MED25: variants seen among roughly 807,000 people sequenced by gnomAD.
MED25 encodes the protein mediator complex subunit 25, also known as mediator of RNA polymerase II transcription subunit 25.
A neutral mutation model predicts 89.4 loss-of-function variants in MED25; 62 were observed. That is an observed-to-expected ratio of 0.69 (90% CI 0.57 to 0.86). MED25 has a LOEUF of 0.86. Ranked by LOEUF, MED25 falls within the 40% of genes least tolerant of loss-of-function variation. The pLI, the probability that MED25 is intolerant of heterozygous loss-of-function variation, is 0.00. For synonymous variants in MED25, 449 were observed against 427.9 expected (o/e 1.05, Z -0.61); for missense variants, 905 against 1,005.2 (o/e 0.90, Z 1.35).
At position 49,819,287 on chromosome 19, in the gene MED25, A is replaced by C; in HGVS notation, c.296A>C (p.Asp99Ala). Reference protein sequence around the residue: ...SSAYEFVTWLDGIKFMGGGGE... With the variant: ...SSAYEFVTWLAGIKFMGGGGE... ...GCCTATGAGTTTGTCACCTGGCTCG[A>C]TGGCATTAAGTGAGCTTTCCCCCAC... Residue 99 changes from aspartate to alanine, a missense_variant, in exon 3 of 18, where the codon GAT becomes GCT. Physicochemically the swap from Asp to Ala is moderately radical, Grantham distance 126. Coordinates refer to ENST00000312865, the MANE Select transcript of MED25 (RefSeq NM_030973.4). 6.3e-7 allele frequency: 1 copy of C among 1,590,730 alleles called. No homozygotes were observed. Among genetic ancestry groups the C allele is most frequent in the Non-Finnish European group, 8.5e-7 (1 of 1,170,326 alleles).
chr19:49,835,276 C>A lies in MED25; in HGVS notation c.1674+99C>A. ...CCAGGACCAAGATGCCCACCCTTCT[C>A]CCAATATGTGGTGCCTCCAAGCTAA... is the stretch of plus-strand genomic sequence containing the variant. On this transcript the variant is annotated intron_variant, in intron 14 of 17. Transcript: ENST00000312865. This position sits in a 1 kb window ranked among gnomAD's most constrained non-coding sequence, Gnocchi z 6.2. 1 of 1,319,648 alleles carries A rather than the reference C, an allele frequency of 7.6e-7. No individual in the cohort carries two copies. Among genetic ancestry groups the A allele is most frequent in the Non-Finnish European group, 1.1e-6 (1 of 914,336 alleles). The allele number at this position is 1,319,648 out of a possible 1,614,324, so 81.7% of individuals were successfully genotyped here.
chr19:49,830,440 C>A lies in MED25; in HGVS notation c.820-71C>A, dbSNP rs1600325114. ...CCTCATGGGGCCATGGGTGGTGTGA[C>A]CTCGTGGGATACCAGGACTGGGGGG... On this transcript the variant is annotated intron_variant, in intron 7 of 17. Transcript: ENST00000312865. The surrounding 1 kb of genome is among the most constrained non-coding windows in gnomAD (Gnocchi z 4.6). 24 of 1,503,058 alleles carry A rather than the reference C, an allele frequency of 1.6e-5. No homozygotes were observed. The highest frequency in any genetic ancestry group is 2.2e-5 in the Non-Finnish European group (24 of 1,083,358). The allele number at this position is 1,503,058 out of a possible 1,614,324, so 93.1% of individuals were successfully genotyped here. A position where few individuals can be genotyped will look rare whatever the true frequency, so the allele number is the denominator to read the frequency against.
chr19:49,837,118 A>G, downstream of MED25: 1 of 675,588 alleles, frequency 1.5e-6, no homozygotes, highest in Non-Finnish European at 2.7e-6. Flanking sequence ...GGTGAGTCAC[A>G]GGCAGTCTGG....
At chr19:49,837,387 A>C (rs1238554454), downstream of MED25, among the ~76,000 whole-genome samples, 5 of 152,236 alleles carry the variant, frequency 3.3e-5, no homozygotes, top group Non-Finnish European at 2.9e-5. Flanking sequence ...AAGTTGATGG[A>C]TGCTTTTGGA....
In MED25 at chr19:49,836,330, G is replaced by A. The variant is rs1240240229; in HGVS notation, c.2070G>A (p.Gln690=). 2 of 1,610,412 alleles carry A rather than the reference G, an allele frequency of 1.2e-6. No homozygotes were observed. Among genetic ancestry groups the A allele is most frequent in the South Asian group, 1.1e-5 (1 of 90,654 alleles). The change falls in exon 17 of 18, where the codon CAG becomes CAA. Residue 690 remains glutamine (Q), a synonymous_variant. Coordinates refer to ENST00000312865, the MANE Select transcript of MED25 (RefSeq NM_030973.4). This position sits in a 1 kb window ranked among gnomAD's most constrained non-coding sequence, Gnocchi z 5.1. ...PPPHQGLGQP[Q]LGPPLLHPPP... ...CGCACCAGGGCCTGGGGCAGCCCCA[G>A]TTGGGGCCCCCACTCCTGCATCCAC...
In MED25 at chr19:49,834,581, G is replaced by A; in HGVS notation, c.1483-405G>A. 3.3e-6 allele frequency: 1 copy of A among 306,764 alleles called. No homozygotes were observed. The highest frequency in any genetic ancestry group is 2.1e-5 in the African/African-American group (1 of 46,566). 19.0% of individuals were successfully genotyped at this position (306,764 alleles called of 1,614,324 possible). A position where few individuals can be genotyped will look rare whatever the true frequency, so the allele number is the denominator to read the frequency against. ...GCTGGAGGATCTCTTGGATACCCGG[G>A]GTCCGACCCACCGTTGATCACAGGC... On this transcript the variant is annotated intron_variant, in intron 13 of 17. Transcript: ENST00000312865. This position sits in a 1 kb window ranked among gnomAD's most constrained non-coding sequence, Gnocchi z 4.1.
At chr19:49,828,782 T>C (rs2074032639) in intron 4 of MED25, among the ~76,000 whole-genome samples, 188 bp from the exon 5 acceptor site, 1 of 152,226 alleles carries the variant, frequency 6.6e-6, no homozygotes, top group Non-Finnish European at 1.5e-5. Flanking sequence ...CTGCCTGCCC[T>C]GCCTGCTGGG....
At position 49,836,524 on chromosome 19, in the gene MED25, T is replaced by G; in HGVS notation, c.2146+118T>G. 3.2e-6 allele frequency: 4 copies of G among 1,265,170 alleles called. No individual in the cohort carries two copies. The highest frequency in any genetic ancestry group is 1.5e-5 in the African/African-American group (1 of 67,604). 78.4% of individuals were successfully genotyped at this position (1,265,170 alleles called of 1,614,324 possible). Reference sequence around the variant, plus strand: ...AGACATAGGATCCAAGAATGAGGGTTCCCCCATGGCCTTTGCGGAGCTCTG... The same window carrying G: ...AGACATAGGATCCAAGAATGAGGGTGCCCCCATGGCCTTTGCGGAGCTCTG... On this transcript the variant is annotated intron_variant, in intron 17 of 17. Coordinates refer to ENST00000312865, the MANE Select transcript of MED25 (RefSeq NM_030973.4). This position sits in a 1 kb window ranked among gnomAD's most constrained non-coding sequence, Gnocchi z 5.1.
At chr19:49,819,093 G>A in intron 2 of MED25, 79 bp from the exon 3 acceptor site, 1 of 1,558,058 alleles carries the variant, frequency 6.4e-7, no homozygotes, top group Non-Finnish European at 8.8e-7. Flanking sequence ...GGAACGGGAA[G>A]CTGGGAGCCC....
intron 3 of MED25, 74 bp downstream of exon 3, chr19:49,819,370 T>A: frequency 6.3e-7 from 1 of 1,579,762 alleles, no homozygotes; most frequent in Non-Finnish European, 8.6e-7. Flanking sequence ...CTTGGGGTGG[T>A]TGGTGTCCCC....
Position 49,829,963 on chromosome 19 carries a change from C to T in MED25, c.688+15C>T, listed in dbSNP as rs762383022. The T allele has an allele frequency of 3.1e-6, 5 of 1,606,910 alleles. No homozygotes were observed. Among genetic ancestry groups the T allele is most frequent in the Non-Finnish European group, 4.3e-6 (5 of 1,175,128 alleles). ...CGTGCTGCCTGGTGAGGCCTGGGCACCGTGCGCGGGGATGGGGGCTCGACG... is the reference window on the plus strand; with the variant it reads ...CGTGCTGCCTGGTGAGGCCTGGGCATCGTGCGCGGGGATGGGGGCTCGACG... On this transcript the variant is annotated intron_variant, in intron 6 of 17. Coordinates refer to ENST00000312865, the MANE Select transcript of MED25 (RefSeq NM_030973.4). The surrounding 1 kb of genome is among the most constrained non-coding windows in gnomAD (Gnocchi z 4.6).
chr19:49,823,119 CTTTAT>C (rs1217789998), intron 3 of MED25, among the ~76,000 whole-genome samples: 4 of 152,106 alleles, frequency 2.6e-5, no homozygotes, highest in African/African-American at 9.7e-5. Context: ...TGGCTGATTT[CTTTAT>C]TTTAATTCTT....
In MED25 at chr19:49,829,025, C is replaced by G; in HGVS notation, c.460C>G (p.Pro154Ala). Residue 154 changes from proline to alanine, a missense_variant, in exon 5 of 18, where the codon CCT becomes GCT. Around this residue, in one of 3 missense-constraint regions of MED25, gnomAD observed 501 missense variants for 526.9 expected, o/e 0.95. Transcript: ENST00000312865. This position sits in a 1 kb window ranked among gnomAD's most constrained non-coding sequence, Gnocchi z 4.6. ...LICNSPPYLL[P>A]AVESTTYSGC... ...CTGCAACTCACCCCCATACTTGTTG[C>G]CTGCTGTTGAGAGCACCACGTACTC... The G allele has an allele frequency of 6.2e-7, 1 of 1,614,102 alleles. No homozygotes were observed. Among genetic ancestry groups the G allele is most frequent in the South Asian group, 1.1e-5 (1 of 91,074 alleles).
At position 49,829,489 on chromosome 19, in the gene MED25, G is replaced by T. The variant is rs1289231746; in HGVS notation, c.526-297G>T. ...AGATGAGGTTTCACCATGTTGGCCAGACTGCTCTCAAACTCCTGGCCTCAT... is the reference window on the plus strand; with the variant it reads ...AGATGAGGTTTCACCATGTTGGCCATACTGCTCTCAAACTCCTGGCCTCAT... On this transcript the variant is annotated intron_variant, in intron 5 of 17. Transcript: ENST00000312865. This position sits in a 1 kb window ranked among gnomAD's most constrained non-coding sequence, Gnocchi z 4.6. Among the ~76,000 whole-genome samples, 1 of 152,168 alleles carries T rather than the reference G, an allele frequency of 6.6e-6. No homozygotes were observed. The highest frequency in any genetic ancestry group is 2.4e-5 in the African/African-American group (1 of 41,434).
chr19:49,837,810 CAG>C (rs1240074250), downstream of MED25, among the ~76,000 whole-genome samples: 1 of 152,256 alleles, frequency 6.6e-6, no homozygotes, highest in African/African-American at 2.4e-5. Flanking sequence ...GTTCAAGCCA[CAG>C]AAGCAGACAA....
Position 49,832,313 on chromosome 19 carries a change from C to G in MED25, c.1380C>G (p.Thr460=). ...GACTTCTGTGTCTCCCGCAGACCAC[C>G]CTGGGCCCTTTGTTCCGGAACTCAA... The part of the protein sequence containing the change: ...MQLIPQQLLT[T]LGPLFRNSRM... Residue 460 remains threonine (T), a synonymous_variant, in exon 13 of 18, where the codon ACC becomes ACG. Coordinates refer to ENST00000312865, the MANE Select transcript of MED25 (RefSeq NM_030973.4). The G allele has an allele frequency of 6.2e-7, 1 of 1,605,180 alleles. No homozygotes were observed. Among genetic ancestry groups the G allele is most frequent in the Non-Finnish European group, 8.5e-7 (1 of 1,174,898 alleles).
rs770768868 is a variant in MED25, at chr19:49,829,150, C to G, written c.525+60C>G. On this transcript the variant is annotated intron_variant, in intron 5 of 17. Coordinates refer to ENST00000312865, the MANE Select transcript of MED25 (RefSeq NM_030973.4). This position sits in a 1 kb window ranked among gnomAD's most constrained non-coding sequence, Gnocchi z 4.6. Reference sequence around the variant, plus strand: ...GGGGCCCGGAGTCTTGGGTCTGAGGCAGGAGGCACTGAGGGCCTGGACTCC... The same window carrying G: ...GGGGCCCGGAGTCTTGGGTCTGAGGGAGGAGGCACTGAGGGCCTGGACTCC... 4.7e-6 allele frequency: 7 copies of G among 1,487,206 alleles called. No individual in the cohort carries two copies. Among genetic ancestry groups the G allele is most frequent in the Non-Finnish European group, 6.5e-6 (7 of 1,080,168 alleles). 92.1% of individuals were successfully genotyped at this position (1,487,206 alleles called of 1,614,324 possible).
Position 49,829,685 on chromosome 19 carries a change from C to T in MED25, c.526-101C>T. On this transcript the variant is annotated intron_variant, in intron 5 of 17. Transcript: ENST00000312865. The surrounding 1 kb of genome is among the most constrained non-coding windows in gnomAD (Gnocchi z 4.6). ...CCCAATGGGAATTGTGGTTGTAGGG[C>T]TGGTGCCGTCCAGCCACACAGCAGT... is the stretch of plus-strand genomic sequence containing the variant. 7.8e-7 allele frequency: 1 copy of T among 1,288,148 alleles called. No individual in the cohort carries two copies. Among genetic ancestry groups the T allele is most frequent in the Non-Finnish European group, 1.1e-6 (1 of 921,610 alleles). 79.8% of individuals were successfully genotyped at this position (1,288,148 alleles called of 1,614,324 possible). A position where few individuals can be genotyped will look rare whatever the true frequency, so the allele number is the denominator to read the frequency against.
chr19:49,827,104 T>A (rs2074020746), intron 3 of MED25, among the ~76,000 whole-genome samples: 1 of 152,062 alleles, frequency 6.6e-6, no homozygotes, highest in Non-Finnish European at 1.5e-5. Context: ...GAGACCACAC[T>A]TCAGGGGGAC....
Sources: allele counts gnomAD v4.1 joint callset (sites outside exome capture counted in the v4.1 genomes callset), GRCh38; gene constraint gnomAD v4.1.1; regional missense constraint gnomAD v4.1.1; non-coding constraint Gnocchi (gnomAD v3.1); transcripts MANE v1.5; gene names NCBI Gene and HGNC (gene_info 2026-07-23, HGNC 2026-07-21).